GRIK2: variants seen among roughly 807,000 people sequenced by gnomAD.
The protein encoded by GRIK2 is glutamate ionotropic receptor kainate type subunit 2.
Under a neutral mutation model 100.3 loss-of-function variants are expected in GRIK2, and 32 were observed. The observed-to-expected ratio is 0.32, with a 90% confidence interval of 0.24 to 0.43. The LOEUF (loss-of-function observed/expected upper bound fraction) is 0.43, where lower values mean the gene tolerates loss of function less well. GRIK2 is among the 20% of genes least tolerant of loss of function. The pLI, the probability that GRIK2 is intolerant of heterozygous loss-of-function variation, is 1.00. For missense variants in GRIK2, 843 were observed against 1,114.9 expected (o/e 0.76, Z 3.47); for synonymous variants, 417 against 389.4 (o/e 1.07, Z -0.83).
intron 2 of GRIK2, among the ~76,000 whole-genome samples, chr6:101,504,440 T>A (rs1773919640): frequency 6.6e-6 from 1 of 152,000 alleles, no homozygotes; most frequent in Non-Finnish European, 1.5e-5. Context: ...TTTTTGGTAA[T>A]TTTTTTCAGA....
At chr6:101,819,319 C>A (rs1053143388) in intron 10 of GRIK2, among the ~76,000 whole-genome samples, 1 of 152,134 alleles carries the variant, frequency 6.6e-6, no homozygotes, top group Non-Finnish European at 1.5e-5. Context: ...TATATAATTT[C>A]TAAATTTGAT....
At chr6:101,406,442 G>T (rs183557485) in intron 2 of GRIK2, among the ~76,000 whole-genome samples, 1 of 152,042 alleles carries the variant, frequency 6.6e-6, no homozygotes, top group Non-Finnish European at 1.5e-5. Flanking sequence ...TTTGGGGAGG[G>T]TATGTCTTTT....
At position 101,911,248 on chromosome 6, in the gene GRIK2, A is replaced by C. The variant is rs1253998673; in HGVS notation, c.1749-13353A>C. On this transcript the variant is annotated intron_variant, in intron 12 of 16. Coordinates refer to ENST00000369134, the MANE Select transcript of GRIK2 (RefSeq NM_021956.5). ...GTTGGGGCTATAGCCAAGAATTTTA[A>C]CTGTAGCCTCCCCAGCAATATGAGG... 4.0e-5 allele frequency among the ~76,000 whole-genome samples: 6 copies of C among 151,516 alleles called. No homozygotes were observed. The Admixed American group carries it at 4.0e-4, about 10-fold the overall frequency.
chr6:101,780,839 C>A (rs1331159166), intron 7 of GRIK2, among the ~76,000 whole-genome samples: 1 of 152,104 alleles, frequency 6.6e-6, no homozygotes, highest in South Asian at 2.1e-4. Context: ...AGGGCCTTTG[C>A]CCTTTGAAAA....
intron 14 of GRIK2, among the ~76,000 whole-genome samples, chr6:101,964,297 ATAT>A (rs1792520427): frequency 6.6e-6 from 1 of 151,880 alleles, no homozygotes; most frequent in Admixed American, 6.6e-5. Flanking sequence ...ACATATATGT[ATAT>A]TATTATATTA....
intron 14 of GRIK2, among the ~76,000 whole-genome samples, chr6:101,941,757 A>T (rs2128475792): frequency 6.6e-6 from 1 of 152,288 alleles, no homozygotes; most frequent in South Asian, 2.1e-4. Context: ...AAGATCTTTA[A>T]TTAATCAACT....
intron 14 of GRIK2, among the ~76,000 whole-genome samples, chr6:101,980,421 G>A (rs1188943731): frequency 6.6e-6 from 1 of 151,836 alleles, no homozygotes. Flanking sequence ...AGTATTTTTT[G>A]TTAGTGTCAG....
intron 7 of GRIK2, among the ~76,000 whole-genome samples, chr6:101,753,864 T>C (rs1776956310): frequency 6.6e-6 from 1 of 152,010 alleles, no homozygotes. Flanking sequence ...AGTCTTATGT[T>C]ACTGGATACA....
chr6:101,433,685 G>T (rs1169991712), intron 2 of GRIK2, among the ~76,000 whole-genome samples: 1 of 151,650 alleles, frequency 6.6e-6, no homozygotes, highest in Non-Finnish European at 1.5e-5. Flanking sequence ...TTATGCTGAA[G>T]AGCAAGATAT....
At chr6:102,049,281 A>G (rs897085751) in intron 15 of GRIK2, among the ~76,000 whole-genome samples, 10 of 152,180 alleles carry the variant, frequency 6.6e-5, no homozygotes, top group African/African-American at 2.4e-4. Flanking sequence ...ACATAGGGTC[A>G]GACAGAAAAA....
chr6:101,638,520 C>T (rs367993202), intron 4 of GRIK2, among the ~76,000 whole-genome samples: 58 of 150,774 alleles, frequency 3.8e-4, no homozygotes, highest in African/African-American at 1.4e-3. Flanking sequence ...AGCAATTATG[C>T]CATATCTAAA....
Position 101,878,910 on chromosome 6 carries a change from T to C in GRIK2, c.1525-10730T>C, listed in dbSNP as rs538007132. Among the ~76,000 whole-genome samples, 6 of 152,168 alleles carry C rather than the reference T, an allele frequency of 3.9e-5. No individual in the cohort carries two copies. In the South Asian group the frequency reaches 1.2e-3, roughly 32 times the overall value. On this transcript the variant is annotated intron_variant, in intron 11 of 16. Coordinates refer to ENST00000369134, the MANE Select transcript of GRIK2 (RefSeq NM_021956.5). The stretch of plus-strand genomic sequence containing the variant: ...GTATGTACTGATTATTTTACTGTTA[T>C]AAACTCAAAAATCTTAGTAGTTTAT...
At chr6:101,440,152 A>G (rs1192671712) in intron 2 of GRIK2, among the ~76,000 whole-genome samples, 1 of 152,172 alleles carries the variant, frequency 6.6e-6, no homozygotes, top group African/African-American at 2.4e-5. Flanking sequence ...GTATCAAAGA[A>G]AAATATTTCC....
chr6:101,415,099 C>A (rs1376309770), intron 2 of GRIK2, among the ~76,000 whole-genome samples: 1 of 151,834 alleles, frequency 6.6e-6, no homozygotes, highest in Non-Finnish European at 1.5e-5. Context: ...CATAATTACA[C>A]CATGCAGCTA....
chr6:101,423,404 A>C (rs2128240842), intron 2 of GRIK2, among the ~76,000 whole-genome samples: 1 of 152,284 alleles, frequency 6.6e-6, no homozygotes, highest in African/African-American at 2.4e-5. Context: ...ACCATTTTAC[A>C]GTCCTGACAA....
At chr6:101,969,164 G>C (rs910662197) in intron 14 of GRIK2, among the ~76,000 whole-genome samples, 2 of 151,900 alleles carry the variant, frequency 1.3e-5, no homozygotes, top group Non-Finnish European at 2.9e-5. Flanking sequence ...ATTTATAACT[G>C]TTGAAAAGAG....
At chr6:101,760,594 A>ATAATTATATATAATTATATT (rs1777518796) in intron 7 of GRIK2, among the ~76,000 whole-genome samples, 1 of 89,980 alleles carries the variant, frequency 1.1e-5, no homozygotes, top group Non-Finnish European at 1.8e-5. Context: ...ATAATTATAT[A>ATAATTATATATAATTATATT]TAATTATATA....
At chr6:101,924,789 C>A (rs1789780078) in intron 13 of GRIK2, 70 bp downstream of exon 13, 1 of 958,286 alleles carries the variant, frequency 1.0e-6, no homozygotes, top group Non-Finnish European at 1.7e-6. Context: ...ACAGCTCTTG[C>A]TGGCACAAGT....
At position 102,068,679 on chromosome 6, in the gene GRIK2, C is replaced by A. The variant is rs1463862002; in HGVS notation, c.*168C>A. The A allele has an allele frequency of 6.8e-6, 4 of 590,148 alleles. No homozygotes were observed. The highest frequency in any genetic ancestry group is 1.2e-5 in the Non-Finnish European group (4 of 337,368). 36.6% of individuals were successfully genotyped at this position (590,148 alleles called of 1,614,324 possible). ...GATCTAAGCAGTTGCAATGATCAGA[C>A]TTGATTTACAAGCATCATGGATCAA... On this transcript the variant is annotated 3_prime_UTR_variant, in exon 17 of 17. Transcript: ENST00000369134.
Sources: allele counts gnomAD v4.1 joint callset (sites outside exome capture counted in the v4.1 genomes callset), GRCh38; gene constraint gnomAD v4.1.1; transcripts MANE v1.5; gene names NCBI Gene and HGNC (gene_info 2026-07-23, HGNC 2026-07-21).